KIRREL3: variants seen among roughly 807,000 people sequenced by gnomAD.
The protein encoded by KIRREL3 is kin of IRRE-like protein 3.
Under a neutral mutation model 89.7 loss-of-function variants are expected in KIRREL3, and 36 were observed. The observed-to-expected ratio is 0.40, with a 90% confidence interval of 0.31 to 0.53. The LOEUF is 0.53. Ranked by LOEUF, KIRREL3 falls within the 20% of genes least tolerant of loss-of-function variation. KIRREL3 has a pLI of 0.49. For missense variants in KIRREL3, 864 were observed against 1,056.6 expected, an observed-to-expected ratio of 0.82 and a Z score of 2.53; for synonymous variants, 445 against 441.4, an observed-to-expected ratio of 1.01 and a Z score of -0.10.
rs567050784 is a variant in KIRREL3, at chr11:126,697,311, G to T, written c.56-134399C>A. On this transcript the variant is annotated intron_variant, in intron 1 of 16. Transcript: ENST00000525144. The surrounding 1 kb of genome is among the most constrained non-coding windows in gnomAD (Gnocchi z 4.2). ...CTGGGGTGAACTGCAGCCAGCACTG[G>T]CCTTGCCGGCTCACTGCACAGGGTG... is the stretch of plus-strand genomic sequence containing the variant. 2.0e-4 allele frequency among the ~76,000 whole-genome samples: 31 copies of T among 152,330 alleles called. 1 individual carries two copies. The highest frequency in any genetic ancestry group is 1.4e-3 in the Admixed American group (21 of 15,304).
At position 126,868,249 on chromosome 11, in the gene KIRREL3, G is replaced by A. The variant is rs77078586; in HGVS notation, c.55+132206C>T. ...TACGAAGGTGGCAATGCTCAGATTG[G>A]AAGAAGCTGCACCAGTGCGGTCCAG... On this transcript the variant is annotated intron_variant, in intron 1 of 16. Coordinates refer to ENST00000525144, the MANE Select transcript of KIRREL3 (RefSeq NM_032531.4). Among the ~76,000 whole-genome samples, 21 of 19,826 alleles carry A rather than the reference G, an allele frequency of 1.1e-3. No homozygotes were observed. The East Asian group carries it at 0.031, about 30-fold the overall frequency. The allele number at this position is 19,826 out of a possible 152,430, so 13.0% of individuals were successfully genotyped here.
chr11:126,446,165 A>G (rs1181088579), intron 9 of KIRREL3, among the ~76,000 whole-genome samples: 1 of 151,868 alleles, frequency 6.6e-6, no homozygotes, highest in Non-Finnish European at 1.5e-5. Flanking sequence ...AAAAAAAAAA[A>G]AAAAATGGAA....
chr11:126,736,606 C>T lies in KIRREL3; in HGVS notation c.56-173694G>A, dbSNP rs1236756975. 6.6e-6 allele frequency among the ~76,000 whole-genome samples: 1 copy of T among 152,168 alleles called. No homozygotes were observed. Among genetic ancestry groups the T allele is most frequent in the Non-Finnish European group, 1.5e-5 (1 of 68,036 alleles). On this transcript the variant is annotated intron_variant, in intron 1 of 16. Coordinates refer to ENST00000525144, the MANE Select transcript of KIRREL3 (RefSeq NM_032531.4). This position sits in a 1 kb window ranked among gnomAD's most constrained non-coding sequence, Gnocchi z 5.0. ...CTAAGTGGGGGAGTAGGGGTACCTG[C>T]TCCTGGCCTCCAGTGAGGAGCCCAG...
At chr11:126,819,915 T>G (rs1943148695) in intron 1 of KIRREL3, among the ~76,000 whole-genome samples, 1 of 152,230 alleles carries the variant, frequency 6.6e-6, no homozygotes, top group Non-Finnish European at 1.5e-5. Context: ...CCACACTTGA[T>G]CAGGGTCCAG....
At chr11:126,738,055 T>A (rs1158203696) in intron 1 of KIRREL3, among the ~76,000 whole-genome samples, 1 of 152,096 alleles carries the variant, frequency 6.6e-6, no homozygotes, top group African/African-American at 2.4e-5. Flanking sequence ...CTGGTAACCA[T>A]CATTCTCCTT....
rs1958375071 is a variant in KIRREL3, at chr11:126,515,278, A to G, written c.433+6037T>C. ...CTCTACAAAAACAAAACAGAACAAA[A>G]CAAAAAAACAAACAAACAAAAATTA... is the stretch of plus-strand genomic sequence containing the variant. On this transcript the variant is annotated intron_variant, in intron 4 of 16. Transcript: ENST00000525144. This position sits in a 1 kb window ranked among gnomAD's most constrained non-coding sequence, Gnocchi z 4.2. 1.3e-5 allele frequency among the ~76,000 whole-genome samples: 2 copies of G among 151,124 alleles called. No homozygotes were observed. Among genetic ancestry groups the G allele is most frequent in the African/African-American group, 4.9e-5 (2 of 40,542 alleles).
chr11:126,508,091 C>A lies in KIRREL3; in HGVS notation c.433+13224G>T, dbSNP rs764939381. Among the ~76,000 whole-genome samples, 18 of 152,186 alleles carry A rather than the reference C, an allele frequency of 1.2e-4. No individual in the cohort carries two copies. Among genetic ancestry groups the A allele is most frequent in the Non-Finnish European group, 2.1e-4 (14 of 68,046 alleles). ...CATCAGCCTTCTCCTCCCTTTCTTGCCTGCACCACTGAAGCTGCTGGGTGA... is the reference window on the plus strand; with the variant it reads ...CATCAGCCTTCTCCTCCCTTTCTTGACTGCACCACTGAAGCTGCTGGGTGA... On this transcript the variant is annotated intron_variant, in intron 4 of 16. Coordinates refer to ENST00000525144, the MANE Select transcript of KIRREL3 (RefSeq NM_032531.4). The surrounding 1 kb of genome is among the most constrained non-coding windows in gnomAD (Gnocchi z 4.9).
intron 4 of KIRREL3, among the ~76,000 whole-genome samples, chr11:126,483,265 T>A (rs547458408): frequency 6.6e-6 from 1 of 152,376 alleles, no homozygotes; most frequent in African/African-American, 2.4e-5. Context: ...CCATTCTTTG[T>A]TGAACATAAG....
At position 126,735,136 on chromosome 11, in the gene KIRREL3, T is replaced by C. The variant is rs73016556; in HGVS notation, c.56-172224A>G. On this transcript the variant is annotated intron_variant, in intron 1 of 16. Transcript: ENST00000525144. ...AGGAGGTTACATGCAAACTCAGTTCTACTAATTGCTAGTTGGGGCCTTTGA... is the reference window on the plus strand; with the variant it reads ...AGGAGGTTACATGCAAACTCAGTTCCACTAATTGCTAGTTGGGGCCTTTGA... Among the ~76,000 whole-genome samples, 872 of 152,338 alleles carry C rather than the reference T, an allele frequency of 5.7e-3. 6 individuals are homozygous for C. Among genetic ancestry groups the C allele is most frequent in the Non-Finnish European group, 8.6e-3 (588 of 68,030 alleles).
Position 126,994,611 on chromosome 11 carries a change from G to A in KIRREL3, c.55+5844C>T, listed in dbSNP as rs1162967060. On this transcript the variant is annotated intron_variant, in intron 1 of 16. Transcript: ENST00000525144. The surrounding 1 kb of genome is among the most constrained non-coding windows in gnomAD (Gnocchi z 5.2). ...TATTGACATTTACCAACTTCTAGAAGTATACAGCCAGAATACTCATTTTTA... is the reference window on the plus strand; with the variant it reads ...TATTGACATTTACCAACTTCTAGAAATATACAGCCAGAATACTCATTTTTA... Among the ~76,000 whole-genome samples, 1 of 152,316 alleles carries A rather than the reference G, an allele frequency of 6.6e-6. No homozygotes were observed. Among genetic ancestry groups the A allele is most frequent in the Non-Finnish European group, 1.5e-5 (1 of 68,030 alleles).
At position 126,471,242 on chromosome 11, in the gene KIRREL3, C is replaced by T. The variant is rs751839768; in HGVS notation, c.591+2067G>A. ...AAAATTAGCTGGGCATGATGGCACACGCCTGCAATCCCAGCTATTCTGGAG... is the reference window on the plus strand; with the variant it reads ...AAAATTAGCTGGGCATGATGGCACATGCCTGCAATCCCAGCTATTCTGGAG... On this transcript the variant is annotated intron_variant, in intron 5 of 16. Transcript: ENST00000525144. This position sits in a 1 kb window ranked among gnomAD's most constrained non-coding sequence, Gnocchi z 5.4. Among the ~76,000 whole-genome samples, 44 of 152,142 alleles carry T rather than the reference C, an allele frequency of 2.9e-4. No homozygotes were observed. Among genetic ancestry groups the T allele is most frequent in the Non-Finnish European group, 4.1e-4 (28 of 67,998 alleles).
chr11:126,899,803 T>C (rs953360473), intron 1 of KIRREL3, among the ~76,000 whole-genome samples: 2 of 152,230 alleles, frequency 1.3e-5, no homozygotes, highest in Non-Finnish European at 2.9e-5. Flanking sequence ...GTACACCATG[T>C]AGTTTACAAG....
In KIRREL3 at chr11:126,897,672, T is replaced by C. The variant is rs1592306985; in HGVS notation, c.55+102783A>G. On this transcript the variant is annotated intron_variant, in intron 1 of 16. Coordinates refer to ENST00000525144, the MANE Select transcript of KIRREL3 (RefSeq NM_032531.4). The surrounding 1 kb of genome is among the most constrained non-coding windows in gnomAD (Gnocchi z 4.2). ...TGCAGCAAAGCTTATTTTCTGAAGA[T>C]AGATAATTTGGTTAAATCTTTTCCA... Among the ~76,000 whole-genome samples, 1 of 152,370 alleles carries C rather than the reference T, an allele frequency of 6.6e-6. No homozygotes were observed. The highest frequency in any genetic ancestry group is 2.1e-4 in the South Asian group (1 of 4,822).
chr11:126,740,559 T>C lies in KIRREL3; in HGVS notation c.56-177647A>G, dbSNP rs1244652731. 6.6e-6 allele frequency among the ~76,000 whole-genome samples: 1 copy of C among 152,130 alleles called. No individual in the cohort carries two copies. Among genetic ancestry groups the C allele is most frequent in the East Asian group, 1.9e-4 (1 of 5,184 alleles). On this transcript the variant is annotated intron_variant, in intron 1 of 16. Coordinates refer to ENST00000525144, the MANE Select transcript of KIRREL3 (RefSeq NM_032531.4). The surrounding 1 kb of genome is among the most constrained non-coding windows in gnomAD (Gnocchi z 6.0). ...TCCTTATATTTGTGATGTATTCCTA[T>C]GGGCAAAGTATCGCTCTAGCCCAGC... is the stretch of plus-strand genomic sequence containing the variant.
At chr11:126,784,252 G>T (rs1440122383) in intron 1 of KIRREL3, among the ~76,000 whole-genome samples, 1 of 152,180 alleles carries the variant, frequency 6.6e-6, no homozygotes, top group Admixed American at 6.5e-5. Flanking sequence ...ATCCATACTG[G>T]TTCATTAATT....
At chr11:126,998,447 C>A (rs1950232231) in intron 1 of KIRREL3, among the ~76,000 whole-genome samples, 1 of 152,114 alleles carries the variant, frequency 6.6e-6, no homozygotes, top group South Asian at 2.1e-4. Flanking sequence ...GCCTCTGGAC[C>A]AGGTATCTAC....
At chr11:126,451,279 TGTGTGC>T (rs1956121725) in intron 7 of KIRREL3, among the ~76,000 whole-genome samples, 1 of 148,594 alleles carries the variant, frequency 6.7e-6, no homozygotes, top group Non-Finnish European at 1.5e-5. Flanking sequence ...TCCGTGTGCA[TGTGTGC>T]GTGTGTGCAT....
In KIRREL3 at chr11:126,527,664, G is replaced by A. The variant is rs1292875346; in HGVS notation, c.134-977C>T. On this transcript the variant is annotated intron_variant, in intron 2 of 16. Coordinates refer to ENST00000525144, the MANE Select transcript of KIRREL3 (RefSeq NM_032531.4). This position sits in a 1 kb window ranked among gnomAD's most constrained non-coding sequence, Gnocchi z 4.2. The stretch of plus-strand genomic sequence containing the variant: ...TCTAGTTATCACCGTGGCAACACTC[G>A]AATGGGGCATTGTCAACCCCATTTG... Among the ~76,000 whole-genome samples, 2 of 152,160 alleles carry A rather than the reference G, an allele frequency of 1.3e-5. No homozygotes were observed. Among genetic ancestry groups the A allele is most frequent in the East Asian group, 1.9e-4 (1 of 5,182 alleles).
chr11:126,465,536 T>G (rs912596080), intron 5 of KIRREL3, among the ~76,000 whole-genome samples: 9 of 152,094 alleles, frequency 5.9e-5, no homozygotes, highest in Non-Finnish European at 8.8e-5. Flanking sequence ...TCAGTGAGGT[T>G]TTTCTCAACT....
Sources: gnomAD v4.1 joint callset for allele counts (sites outside exome capture counted in the v4.1 genomes callset) on GRCh38, gnomAD v4.1.1 for gene constraint, Gnocchi (gnomAD v3.1) non-coding constraint, MANE v1.5 for transcripts, NCBI Gene and HGNC (gene_info 2026-07-23, HGNC 2026-07-21) for gene names.